Variants in RBFOX1 observed in about 807,000 individuals in gnomAD.
RBFOX1 encodes the protein RNA binding fox-1 homolog 1.
In RBFOX1, 8 loss-of-function variants were observed where a neutral mutation model predicts 57.7. The observed-to-expected ratio is 0.14, with a 90% confidence interval of 0.08 to 0.25. The LOEUF is 0.25. RBFOX1 is among the 10% of genes least tolerant of loss of function. The pLI, the probability that RBFOX1 is intolerant of heterozygous loss-of-function variation, is 1.00. For synonymous variants in RBFOX1, 326 were observed against 222.4 expected (o/e 1.47, Z -4.15); for missense variants, 611 against 548.5 (o/e 1.11, Z -1.14).
intron 1 of RBFOX1, among the ~76,000 whole-genome samples, chr16:6,294,607 A>G (rs1228386258): frequency 1.3e-5 from 2 of 152,190 alleles, no homozygotes; most frequent in Non-Finnish European, 2.9e-5. Flanking sequence ...TGCCTACTTG[A>G]TGCTGAGCCC....
chr16:5,641,682 A>G (rs2048880738), intron 3 of RBFOX1, among the ~76,000 whole-genome samples: 2 of 152,230 alleles, frequency 1.3e-5, no homozygotes, highest in Non-Finnish European at 2.9e-5. Flanking sequence ...TCAGCAGGGC[A>G]AAGGCCTGGA....
At chr16:6,684,336 C>G (rs1222305250) in intron 3 of RBFOX1, among the ~76,000 whole-genome samples, 1 of 152,156 alleles carries the variant, frequency 6.6e-6, no homozygotes, top group Non-Finnish European at 1.5e-5. Context: ...GACAGGTATG[C>G]TTTTATATAG....
At chr16:6,101,892 C>G (rs2096313977) in intron 1 of RBFOX1, among the ~76,000 whole-genome samples, 1 of 152,088 alleles carries the variant, frequency 6.6e-6, no homozygotes, top group Admixed American at 6.5e-5. Flanking sequence ...TTGTCCGTTC[C>G]TGGGAGGTGA....
intron 3 of RBFOX1, among the ~76,000 whole-genome samples, chr16:5,790,956 C>G (rs577566315): frequency 6.6e-6 from 1 of 150,972 alleles, no homozygotes; most frequent in Admixed American, 6.6e-5. Flanking sequence ...GCAACCTCTG[C>G]TTTCTGGGTT....
At chr16:7,261,926 C>A (rs146060532) in intron 4 of RBFOX1, among the ~76,000 whole-genome samples, 8 of 152,260 alleles carry the variant, frequency 5.3e-5, no homozygotes, top group African/African-American at 1.7e-4. Context: ...TAATTTAGAG[C>A]CTTTGCAAGT....
intron 3 of RBFOX1, among the ~76,000 whole-genome samples, chr16:6,747,488 C>A (rs1208015834): frequency 6.7e-6 from 1 of 149,322 alleles, no homozygotes; most frequent in Non-Finnish European, 1.5e-5. Flanking sequence ...ATCTATCTGT[C>A]TATCTGTCTT....
chr16:5,502,561 C>G (rs909990950), intron 2 of RBFOX1, among the ~76,000 whole-genome samples: 12 of 152,162 alleles, frequency 7.9e-5, no homozygotes, highest in Non-Finnish European at 5.9e-5. Context: ...GCAGCAGAAG[C>G]CTGACAAAGT....
intron 3 of RBFOX1, among the ~76,000 whole-genome samples, chr16:5,689,204 G>A (rs1340609100): frequency 6.6e-6 from 1 of 152,162 alleles, no homozygotes; most frequent in Admixed American, 6.5e-5. Context: ...GCTCAGTATG[G>A]CACTCATTAA....
At chr16:6,014,508 T>C (rs1040126211), upstream of RBFOX1, among the ~76,000 whole-genome samples, 4 of 152,138 alleles carry the variant, frequency 2.6e-5, no homozygotes, top group African/African-American at 7.2e-5. Context: ...ACACGATAGA[T>C]GGTGAGTGAG....
chr16:5,631,134 A>C (rs1441082387), intron 3 of RBFOX1, among the ~76,000 whole-genome samples: 1 of 152,220 alleles, frequency 6.6e-6, no homozygotes, highest in Admixed American at 6.5e-5. Flanking sequence ...AAAGCAAAGA[A>C]AACTCAACCG....
intron 4 of RBFOX1, among the ~76,000 whole-genome samples, chr16:7,329,995 G>A (rs1467508950): frequency 1.3e-5 from 2 of 152,104 alleles, no homozygotes; most frequent in Non-Finnish European, 1.5e-5. Flanking sequence ...AGGCAATCTT[G>A]TACTGAATAC....
chr16:7,038,822 C>G lies in RBFOX1; in HGVS notation c.-15-13235C>G, dbSNP rs140688774. ...CTTTTGTTGATAATGGGGTCTTTAC[C>G]AAGAGGGTGCATGGCAGAGCAAGTG... On this transcript the variant is annotated intron_variant, in intron 3 of 15. Coordinates refer to ENST00000550418, the MANE Select transcript of RBFOX1 (RefSeq NM_018723.4). 1.9e-3 allele frequency among the ~76,000 whole-genome samples: 284 copies of G among 152,208 alleles called. 1 individual carries two copies. The highest frequency in any genetic ancestry group is 6.6e-3 in the African/African-American group (273 of 41,528).
chr16:6,520,940 A>G (rs2096486151), intron 2 of RBFOX1, among the ~76,000 whole-genome samples: 1 of 152,034 alleles, frequency 6.6e-6, no homozygotes, highest in South Asian at 2.1e-4. Flanking sequence ...GAAAGAGTGT[A>G]GGGGGGGAAA....
rs75644358 is a variant in RBFOX1 at position 6,586,377 on chromosome 16, T to C, written c.-63-68226T>C. Among the ~76,000 whole-genome samples, 437 of 152,328 alleles carry C rather than the reference T, an allele frequency of 2.9e-3. 13 individuals carry two copies. The highest frequency in any genetic ancestry group is 0.025 in the East Asian group (128 of 5,182). On this transcript the variant is annotated intron_variant, in intron 2 of 15. Transcript: ENST00000550418. ...AAACCAGCAGCATAAATGGACCCAG[T>C]AGTAATCTATCTCCAGTGCGTCTTA...
chr16:5,629,629 G>C (rs1410681440), intron 3 of RBFOX1, among the ~76,000 whole-genome samples: 1 of 152,214 alleles, frequency 6.6e-6, no homozygotes, highest in East Asian at 1.9e-4. Context: ...TGTCCGTGGT[G>C]CCTGCTTGGG....
At chr16:6,214,152 C>T (rs557452553) in intron 1 of RBFOX1, among the ~76,000 whole-genome samples, 33 of 152,298 alleles carry the variant, frequency 2.2e-4, no homozygotes, top group African/African-American at 4.8e-4. Flanking sequence ...GTCATTGAGA[C>T]GTTGCATGTG....
chr16:6,705,319 G>C (rs1398317524), intron 3 of RBFOX1: 1 of 151,464 alleles, frequency 6.6e-6, no homozygotes, highest in Non-Finnish European at 1.5e-5. Flanking sequence ...AAGGGAAGAA[G>C]TCTAGAGCGA....
At chr16:7,065,834 C>T (rs1227922455) in intron 4 of RBFOX1, among the ~76,000 whole-genome samples, 1 of 152,124 alleles carries the variant, frequency 6.6e-6, no homozygotes, top group African/African-American at 2.4e-5. Context: ...CTGGTAATCA[C>T]CATTCTACTC....
At chr16:5,835,761 AT>A (rs2056436664) in intron 3 of RBFOX1, among the ~76,000 whole-genome samples, 1 of 152,174 alleles carries the variant, frequency 6.6e-6, no homozygotes. Flanking sequence ...TCAATTTGGC[AT>A]GTCGTTATAT....
Sources: gnomAD v4.1 joint callset for allele counts (sites outside exome capture counted in the v4.1 genomes callset) on GRCh38, gnomAD v4.1.1 for gene constraint, MANE v1.5 for transcripts, NCBI Gene and HGNC (gene_info 2026-07-23, HGNC 2026-07-21) for gene names.